MGLL: variants seen among roughly 807,000 people sequenced by gnomAD.
MGLL encodes the protein lysophospholipase homolog.
A neutral mutation model predicts 29.1 loss-of-function variants in MGLL; 7 were observed. The ratio of observed to expected loss-of-function variants is 0.24; its 90% CI spans 0.14 to 0.45. The LOEUF is 0.45. Ranked by LOEUF, MGLL falls within the 20% of genes least tolerant of loss-of-function variation. MGLL has a pLI of 0.99. For synonymous variants in MGLL, 148 were observed against 168.3 expected (o/e 0.88, Z 0.93); for missense variants, 356 against 413.6 (o/e 0.86, Z 1.21).
chr3:127,773,990 G>A (rs112531242), intron 3 of MGLL, among the ~76,000 whole-genome samples: 2,264 of 152,184 alleles, frequency 0.015, 63 homozygotes, highest in African/African-American at 0.052. Flanking sequence ...ATCTGTCTTC[G>A]CACAGCAGCC....
chr3:127,760,868 T>C (rs1313075710), intron 3 of MGLL, among the ~76,000 whole-genome samples: 1 of 152,214 alleles, frequency 6.6e-6, no homozygotes, highest in Admixed American at 6.5e-5. Flanking sequence ...GTTTCCTCCA[T>C]AGGGACGTTG....
intron 3 of MGLL, among the ~76,000 whole-genome samples, chr3:127,752,204 C>T (rs1204038984): frequency 6.6e-6 from 1 of 151,880 alleles, no homozygotes; most frequent in African/African-American, 2.4e-5. Context: ...TCAAGAAATT[C>T]TCCTGCCTCA....
At chr3:127,772,249 C>T (rs1422445232) in intron 3 of MGLL, among the ~76,000 whole-genome samples, 1 of 152,170 alleles carries the variant, frequency 6.6e-6, no homozygotes. Flanking sequence ...TTCAAGGCCT[C>T]GTCTGTCTGG....
At chr3:127,773,741 C>T (rs979699405) in intron 3 of MGLL, among the ~76,000 whole-genome samples, 1 of 152,202 alleles carries the variant, frequency 6.6e-6, no homozygotes, top group Non-Finnish European at 1.5e-5. Context: ...AGGGAGATGT[C>T]GTTACAAGGA....
chr3:127,759,493 A>C (rs2076725518), intron 3 of MGLL, among the ~76,000 whole-genome samples: 1 of 152,158 alleles, frequency 6.6e-6, no homozygotes, highest in African/African-American at 2.4e-5. Context: ...TCACGTGCTC[A>C]AGAGGGATGT....
At chr3:127,821,646 G>T in intron 2 of MGLL, 48 bp downstream of exon 2, 6 of 1,607,024 alleles carry the variant, frequency 3.7e-6, no homozygotes, top group Non-Finnish European at 5.1e-6. Context: ...GGAGAAGCAG[G>T]GGCCATGCTC....
intron 2 of MGLL, among the ~76,000 whole-genome samples, chr3:127,793,278 G>T (rs1011127650): frequency 2.0e-5 from 3 of 152,216 alleles, no homozygotes; most frequent in African/African-American, 7.2e-5. Context: ...GCAGGGAAGG[G>T]CCTGGCTTGG....
intron 3 of MGLL, among the ~76,000 whole-genome samples, chr3:127,776,203 C>T (rs898296278): frequency 1.3e-5 from 2 of 152,208 alleles, no homozygotes; most frequent in East Asian, 1.9e-4. Context: ...GGCCCCAGAG[C>T]CTTTCCTAAT....
intron 2 of MGLL, among the ~76,000 whole-genome samples, chr3:127,784,274 C>T (rs1178684468): frequency 2.6e-5 from 4 of 152,220 alleles, no homozygotes; most frequent in Non-Finnish European, 5.9e-5. Context: ...CTGGGTCCCA[C>T]TCCCAGGGGA....
chr3:127,738,276 G>C (rs1042290651), intron 3 of MGLL, among the ~76,000 whole-genome samples: 2 of 151,574 alleles, frequency 1.3e-5, no homozygotes, highest in African/African-American at 2.4e-5. Context: ...ACTCCAGCCT[G>C]GGTGACAGAG....
At position 127,781,729 on chromosome 3, in the gene MGLL, G is replaced by C. The variant is rs2077128771; in HGVS notation, c.262+60C>G. 4 of 1,396,238 alleles carry C rather than the reference G, an allele frequency of 2.9e-6. No homozygotes were observed. The East Asian group carries it at 6.8e-5, about 24-fold the overall frequency. 86.5% of individuals were successfully genotyped at this position (1,396,238 alleles called of 1,614,324 possible). On this transcript the variant is annotated intron_variant, in intron 3 of 7. Coordinates refer to ENST00000265052, the MANE Select transcript of MGLL (RefSeq NM_007283.7). ...GATGCTGGCAGTGAGATGGACTAGA[G>C]AGGGAGATCTCCAAATTGTCAGGGC...
At chr3:127,768,434 C>T (rs1261669044) in intron 3 of MGLL, among the ~76,000 whole-genome samples, 1 of 152,196 alleles carries the variant, frequency 6.6e-6, no homozygotes, top group Non-Finnish European at 1.5e-5. Flanking sequence ...TGTGTCTAAC[C>T]ATCACACCAC....
chr3:127,774,081 C>T (rs547495870), intron 3 of MGLL, among the ~76,000 whole-genome samples: 1 of 152,348 alleles, frequency 6.6e-6, no homozygotes, highest in South Asian at 2.1e-4. Flanking sequence ...TCCAACATCC[C>T]AGAGCAGCCT....
intron 2 of MGLL, among the ~76,000 whole-genome samples, chr3:127,806,579 T>C (rs924260253): frequency 2.0e-5 from 3 of 151,328 alleles, no homozygotes; most frequent in Admixed American, 6.6e-5. Flanking sequence ...GATAGGTAGA[T>C]GGTAGGTGGA....
intron 2 of MGLL, among the ~76,000 whole-genome samples, chr3:127,788,458 G>A (rs1420941226): frequency 6.6e-6 from 1 of 152,176 alleles, no homozygotes; most frequent in African/African-American, 2.4e-5. Context: ...CTTGACCACT[G>A]TAATTAAATA....
intron 6 of MGLL, among the ~76,000 whole-genome samples, chr3:127,696,638 T>A (rs1162670972): frequency 6.6e-6 from 1 of 152,000 alleles, no homozygotes; most frequent in Admixed American, 6.6e-5. Flanking sequence ...GGTCTCAAAC[T>A]CCTGACCTCA....
intron 3 of MGLL, among the ~76,000 whole-genome samples, chr3:127,738,250 G>A (rs1379364708): frequency 2.0e-5 from 3 of 151,556 alleles, no homozygotes; most frequent in African/African-American, 7.3e-5. Flanking sequence ...GCAGGGAGCC[G>A]TGATTTCACC....
At chr3:127,722,315 C>T in intron 4 of MGLL, 115 bp downstream of exon 4, 15 of 1,439,286 alleles carry the variant, frequency 1.0e-5, no homozygotes, top group Non-Finnish European at 1.2e-5. Context: ...CAAAGGGAGA[C>T]ATCATGCCAG....
At chr3:127,752,390 C>T (rs146470582) in intron 3 of MGLL, among the ~76,000 whole-genome samples, 1,811 of 152,350 alleles carry the variant, frequency 0.012, 44 homozygotes, top group African/African-American at 0.041. Flanking sequence ...TAAGCCATCA[C>T]GCCCGGCCGT....
Sources: allele counts gnomAD v4.1 joint callset (sites outside exome capture counted in the v4.1 genomes callset), GRCh38; gene constraint gnomAD v4.1.1; transcripts MANE v1.5; gene names NCBI Gene and HGNC (gene_info 2026-07-23, HGNC 2026-07-21).